The following ANXA10 variants were observed in gnomAD, a reference collection of about 807,000 sequenced individuals.
ANXA10 encodes the protein annexin 14.
In ANXA10, 49 loss-of-function variants were observed where a neutral mutation model predicts 53.5. The observed-to-expected ratio is 0.92, with a 90% CI of 0.73 to 1.16. The LOEUF is 1.16. ANXA10 is among the 50% of genes most tolerant of loss of function. ANXA10 has a pLI of 0.00. For missense variants in ANXA10, 393 were observed against 394.4 expected (o/e 1.00, Z 0.03); for synonymous variants, 131 against 128.9 (o/e 1.02, Z -0.11).
intron 1 of ANXA10, among the ~76,000 whole-genome samples, chr4:168,098,796 GAA>G (rs559759341): frequency 1.5e-5 from 2 of 137,920 alleles, no homozygotes; most frequent in African/African-American, 2.7e-5. Context: ...GAAGGAACCA[GAA>G]AAAAAAAAAG....
intron 10 of ANXA10, among the ~76,000 whole-genome samples, chr4:168,183,009 GAAAAAAA>G (rs747151480): frequency 0.34 from 32,058 of 93,166 alleles, 3,934 homozygotes; most frequent in Middle Eastern, 0.39. Context: ...CACCGTCTCG[GAAAAAAA>G]AAAAAAAAAA....
intron 3 of ANXA10, among the ~76,000 whole-genome samples, chr4:168,155,041 A>G (rs11936562): frequency 0.61 from 92,231 of 151,316 alleles, 28,649 homozygotes; most frequent in African/African-American, 0.72. Flanking sequence ...AATCAACCCA[A>G]CATTTACTGA....
intron 2 of ANXA10, among the ~76,000 whole-genome samples, chr4:168,131,850 T>A (rs1731160782): frequency 6.6e-6 from 1 of 152,098 alleles, no homozygotes. Context: ...ATATAATTCT[T>A]CATTCTTTAC....
At chr4:168,153,706 C>A (rs1731547239) in intron 3 of ANXA10, among the ~76,000 whole-genome samples, 1 of 151,962 alleles carries the variant, frequency 6.6e-6, no homozygotes, top group Non-Finnish European at 1.5e-5. Flanking sequence ...AGAATTTTAC[C>A]TGAGTTAAAT....
chr4:168,106,169 G>A lies in ANXA10; in HGVS notation c.18+13451G>A, dbSNP rs187582618. 9.4e-4 allele frequency among the ~76,000 whole-genome samples: 143 copies of A among 152,040 alleles called. 2 individuals are homozygous for A. Among genetic ancestry groups the A allele is most frequent in the African/African-American group, 3.3e-3 (139 of 41,496 alleles). Reference sequence around the variant, plus strand: ...TTTTGCCTTTGTTGCAATTGTTGTTGGTATCTTTGTCATGAAATCTTTGTC... The same window carrying A: ...TTTTGCCTTTGTTGCAATTGTTGTTAGTATCTTTGTCATGAAATCTTTGTC... On this transcript the variant is annotated intron_variant, in intron 1 of 11. Transcript: ENST00000359299.
chr4:168,185,026 C>CGGGT (rs1560795305), intron 11 of ANXA10, among the ~76,000 whole-genome samples: 1 of 152,022 alleles, frequency 6.6e-6, no homozygotes, highest in East Asian at 1.9e-4. Flanking sequence ...TGGTGGCACA[C>CGGGT]GCCTGTAGTC....
intron 2 of ANXA10, among the ~76,000 whole-genome samples, chr4:168,138,397 A>G (rs963857911): frequency 2.3e-5 from 3 of 130,658 alleles, no homozygotes; most frequent in African/African-American, 5.1e-5. Context: ...CTTCTTTTGG[A>G]AAAAAAAAAG....
chr4:168,165,434 G>A, intron 6 of ANXA10, 108 bp downstream of exon 6: 1 of 486,662 alleles, frequency 2.1e-6, no homozygotes, highest in Non-Finnish European at 3.5e-6. Flanking sequence ...GTATATTACA[G>A]TTCAATAGTA....
chr4:168,092,604 T>G lies in ANXA10; in HGVS notation c.-97T>G, dbSNP rs1730477417. 1 of 1,236,496 alleles carries G rather than the reference T, an allele frequency of 8.1e-7. No individual in the cohort carries two copies. Among genetic ancestry groups the G allele is most frequent in the East Asian group, 2.4e-5 (1 of 41,880 alleles). 76.6% of individuals were successfully genotyped at this position (1,236,496 alleles called of 1,614,324 possible). Reference sequence around the variant, plus strand: ...AACAGTGAACATATTTACATTTGATTTAACAGTGAACCTTAATTCTTTCTG... The same window carrying G: ...AACAGTGAACATATTTACATTTGATGTAACAGTGAACCTTAATTCTTTCTG... On this transcript the variant is annotated 5_prime_UTR_variant, in exon 1 of 12. It adds an upstream start codon to the 5' untranslated region. Transcript: ENST00000359299.
At chr4:168,186,704 A>G (rs1287062705) in intron 11 of ANXA10, among the ~76,000 whole-genome samples, 1 of 152,158 alleles carries the variant, frequency 6.6e-6, no homozygotes, top group East Asian at 1.9e-4. Flanking sequence ...TGAACACACT[A>G]AGACAGGTAC....
chr4:168,166,198 G>A (rs1339539574), intron 6 of ANXA10, among the ~76,000 whole-genome samples: 2 of 152,160 alleles, frequency 1.3e-5, no homozygotes, highest in African/African-American at 4.8e-5. Flanking sequence ...GAGCTAATAA[G>A]TAGAAATCCA....
intron 4 of ANXA10, 85 bp from the exon 5 acceptor site, chr4:168,164,113 T>C: frequency 1.0e-6 from 1 of 987,844 alleles, no homozygotes; most frequent in Non-Finnish European, 1.5e-6. Flanking sequence ...ACACTGGAAA[T>C]GCTGTATCCC....
Position 168,092,591 on chromosome 4 carries a change from A to G in ANXA10, c.-110A>G, listed in dbSNP as rs1294228822. On this transcript the variant is annotated 5_prime_UTR_variant, in exon 1 of 12. It adds an upstream start codon to the 5' untranslated region. Transcript: ENST00000359299. Reference sequence around the variant, plus strand: ...TGAGTCTGAGGTGAACAGTGAACATATTTACATTTGATTTAACAGTGAACC... The same window carrying G: ...TGAGTCTGAGGTGAACAGTGAACATGTTTACATTTGATTTAACAGTGAACC... 1.8e-6 allele frequency: 2 copies of G among 1,113,282 alleles called. No homozygotes were observed. Among genetic ancestry groups the G allele is most frequent in the African/African-American group, 3.2e-5 (2 of 62,798 alleles). 69.0% of individuals were successfully genotyped at this position (1,113,282 alleles called of 1,614,324 possible).
At chr4:168,101,155 T>A (rs772207140) in intron 1 of ANXA10, among the ~76,000 whole-genome samples, 1 of 151,946 alleles carries the variant, frequency 6.6e-6, no homozygotes, top group African/African-American at 2.4e-5. Flanking sequence ...TCTTGCAAGA[T>A]CTGGTTGCTT....
At chr4:168,140,768 G>A (rs552437650) in intron 3 of ANXA10, among the ~76,000 whole-genome samples, 18 of 152,080 alleles carry the variant, frequency 1.2e-4, no homozygotes, top group Admixed American at 3.3e-4. Flanking sequence ...ACAGCTGTGC[G>A]TCACCACGCC....
chr4:168,156,160 TA>T (rs1560784387), intron 3 of ANXA10, among the ~76,000 whole-genome samples: 268 of 16,400 alleles, frequency 0.016, 3 homozygotes, highest in African/African-American at 0.073. Context: ...ATATATTATA[TA>T]TTATATATAT....
At chr4:168,096,879 G>A (rs1181831688) in intron 1 of ANXA10, among the ~76,000 whole-genome samples, 2 of 93,206 alleles carry the variant, frequency 2.1e-5, no homozygotes, top group East Asian at 2.7e-4. Context: ...CTAGAGGGGA[G>A]GTTAAGTTTG....
chr4:168,128,119 T>C lies in ANXA10; in HGVS notation c.54T>C (p.Asn18=), dbSNP rs758113385. The change falls in exon 2 of 12, where the codon AAT becomes AAC. Residue 18 remains asparagine, a synonymous_variant. Coordinates refer to ENST00000359299, the MANE Select transcript of ANXA10 (RefSeq NM_007193.5). ...QGTIFPAPNF[N]PIMDAQMLGG... ...CCATCTTCCCAGCTCCCAATTTCAA[T>C]CCCATAATGGATGCCCAAATGCTAG... The C allele has an allele frequency of 6.2e-7, 1 of 1,613,610 alleles. No homozygotes were observed. The highest frequency in any genetic ancestry group is 1.1e-5 in the South Asian group (1 of 91,054).
At chr4:168,101,014 C>A (rs1420873702) in intron 1 of ANXA10, among the ~76,000 whole-genome samples, 1 of 152,016 alleles carries the variant, frequency 6.6e-6, no homozygotes, top group East Asian at 1.9e-4. Context: ...TGTGTCCCCA[C>A]CAAATCTCAT....
Sources: allele counts gnomAD v4.1 joint callset (sites outside exome capture counted in the v4.1 genomes callset), GRCh38; gene constraint gnomAD v4.1.1; transcripts MANE v1.5; gene names NCBI Gene and HGNC (gene_info 2026-07-23, HGNC 2026-07-21).